TMEM178A: variants seen among roughly 807,000 people sequenced by gnomAD.
The protein encoded by TMEM178A is transmembrane protein 178.
A neutral mutation model predicts 29.1 loss-of-function variants in TMEM178A; 12 were observed. That is an observed-to-expected ratio of 0.41 (90% CI 0.26 to 0.67). TMEM178A has a LOEUF of 0.67. Among genes scored for constraint, TMEM178A ranks in the 30% least tolerant of loss-of-function variants. TMEM178A has a pLI of 0.29. For synonymous variants in TMEM178A, 210 were observed against 187.2 expected (o/e 1.12, Z -0.99); for missense variants, 366 against 419.1 (o/e 0.87, Z 1.11).
chr2:39,724,571 A>AT, the TMEM178A span, among the ~76,000 whole-genome samples: 2 of 152,290 alleles, frequency 1.3e-5, no homozygotes, highest in African/African-American at 2.4e-5. Flanking sequence ...AACCTTCCAA[A>AT]TTTTTTTATT....
chr2:39,681,420 G>A (rs980454056), intron 1 of TMEM178A, among the ~76,000 whole-genome samples: 1 of 152,116 alleles, frequency 6.6e-6, no homozygotes, highest in African/African-American at 2.4e-5. Flanking sequence ...AAGCATTTTG[G>A]TCATTCGGAA....
intron 1 of TMEM178A, among the ~76,000 whole-genome samples, chr2:39,688,549 G>A (rs111240833): frequency 7.9e-5 from 12 of 152,318 alleles, no homozygotes; most frequent in East Asian, 3.9e-4. Flanking sequence ...ATGATAACAC[G>A]TCTAATTTGT....
downstream of TMEM178A, among the ~76,000 whole-genome samples, chr2:39,721,906 G>T (rs1672712772): frequency 7.3e-6 from 1 of 137,298 alleles, no homozygotes; most frequent in South Asian, 2.4e-4. Context: ...CAGGAGGATT[G>T]CTTGAGTCTA....
At chr2:39,725,346 G>C in the TMEM178A span, among the ~76,000 whole-genome samples, 144 of 152,218 alleles carry the variant, frequency 9.5e-4, no homozygotes, top group Non-Finnish European at 1.5e-3. Flanking sequence ...TCTGCGATAC[G>C]CCTACATAAT....
chr2:39,727,326 G>A, the TMEM178A span, among the ~76,000 whole-genome samples: 3 of 152,078 alleles, frequency 2.0e-5, no homozygotes, highest in Non-Finnish European at 4.4e-5. Context: ...AGAAGCAAAT[G>A]AACAAATGAA....
At chr2:39,720,237 C>A (rs992156232), downstream of TMEM178A, among the ~76,000 whole-genome samples, 4 of 152,062 alleles carry the variant, frequency 2.6e-5, no homozygotes, top group African/African-American at 9.7e-5. Flanking sequence ...GTGGGGGGTG[C>A]CTCTTAAAGA....
At chr2:39,673,589 G>GT (rs1195306802) in intron 1 of TMEM178A, among the ~76,000 whole-genome samples, 1 of 152,216 alleles carries the variant, frequency 6.6e-6, no homozygotes, top group Non-Finnish European at 1.5e-5. Context: ...CTCCAGAAAT[G>GT]TAAGTAGGAA....
At chr2:39,667,722 C>T (rs1670233518) in intron 1 of TMEM178A, among the ~76,000 whole-genome samples, 1 of 152,220 alleles carries the variant, frequency 6.6e-6, no homozygotes, top group Non-Finnish European at 1.5e-5. Flanking sequence ...CATCCAAAAT[C>T]TGTCTGCGTG....
At chr2:39,721,642 G>T (rs1672708837), downstream of TMEM178A, among the ~76,000 whole-genome samples, 1 of 152,156 alleles carries the variant, frequency 6.6e-6, no homozygotes, top group South Asian at 2.1e-4. Flanking sequence ...GTTTTACTCT[G>T]GTAATTGAAA....
At chr2:39,698,173 A>G (rs1431425682) in intron 1 of TMEM178A, among the ~76,000 whole-genome samples, 2 of 152,244 alleles carry the variant, frequency 1.3e-5, no homozygotes, top group Non-Finnish European at 2.9e-5. Context: ...CATGTCTAGA[A>G]AACTAAGGAC....
chr2:39,726,902 T>A, the TMEM178A span, among the ~76,000 whole-genome samples: 1 of 152,190 alleles, frequency 6.6e-6, no homozygotes, highest in East Asian at 1.9e-4. Context: ...ACTGACAATA[T>A]TAAATGATTG....
the TMEM178A span, among the ~76,000 whole-genome samples, chr2:39,730,438 G>T: frequency 0.57 from 86,832 of 151,872 alleles, 25,719 homozygotes; most frequent in East Asian, 0.75. Context: ...CACTAGGTCC[G>T]TCAAGTTTCC....
chr2:39,666,077 G>A lies in TMEM178A; in HGVS notation c.103G>A (p.Asp35Asn), dbSNP rs1360330761. ...AIFTDHWYETDPRRHKESCER... is the reference protein window; with the variant it reads ...AIFTDHWYETNPRRHKESCER... ...CTTCACCGACCACTGGTACGAGACC[G>A]ACCCCCGGCGCCACAAGGAGAGCTG... The change falls in exon 1 of 4, where the codon GAC (aspartate) becomes AAC (asparagine). Residue 35 changes from aspartate (D) to asparagine (N), a missense_variant. Transcript: ENST00000281961. The A allele has an allele frequency of 3.8e-6, 6 of 1,569,548 alleles. No homozygotes were observed. The highest frequency in any genetic ancestry group is 2.6e-5 in the East Asian group (1 of 39,060).
intron 3 of TMEM178A, among the ~76,000 whole-genome samples, chr2:39,712,277 T>C (rs1490623581): frequency 6.6e-6 from 1 of 152,134 alleles, no homozygotes; most frequent in Non-Finnish European, 1.5e-5. Flanking sequence ...TTACATTATT[T>C]ATCAAGCAGG....
chr2:39,715,525 C>CT (rs1672498616), intron 3 of TMEM178A, among the ~76,000 whole-genome samples: 1 of 152,070 alleles, frequency 6.6e-6, no homozygotes, highest in African/African-American at 2.4e-5. Context: ...TGATTTTTCT[C>CT]TTTGAGAACT....
chr2:39,718,188 T>TATC (rs1553352047), downstream of TMEM178A, among the ~76,000 whole-genome samples: 1 of 135,794 alleles, frequency 7.4e-6, no homozygotes, highest in Non-Finnish European at 1.6e-5. Context: ...TATTTACAAT[T>TATC]TTCTTCTTCT....
intron 1 of TMEM178A, among the ~76,000 whole-genome samples, chr2:39,682,891 T>C (rs79982803): frequency 5.6e-4 from 86 of 152,256 alleles, no homozygotes; most frequent in South Asian, 5.6e-3. Flanking sequence ...CAGATCTCAT[T>C]TGTGGGGCAT....
At chr2:39,695,989 A>C (rs188955326) in intron 1 of TMEM178A, among the ~76,000 whole-genome samples, 1 of 152,348 alleles carries the variant, frequency 6.6e-6, no homozygotes, top group East Asian at 1.9e-4. Context: ...TGCTTACAGT[A>C]ATCAATTTAA....
At chr2:39,670,317 A>C (rs896888561) in intron 1 of TMEM178A, among the ~76,000 whole-genome samples, 1 of 152,208 alleles carries the variant, frequency 6.6e-6, no homozygotes, top group Non-Finnish European at 1.5e-5. Context: ...CCATTTATTC[A>C]CTCAACAAAT....
Sources: gnomAD v4.1 joint callset for allele counts (sites outside exome capture counted in the v4.1 genomes callset) on GRCh38, gnomAD v4.1.1 for gene constraint, MANE v1.5 for transcripts, NCBI Gene and HGNC (gene_info 2026-07-23, HGNC 2026-07-21) for gene names.